The following SYT1 variants were observed in gnomAD, a reference collection of about 807,000 sequenced individuals.
The protein encoded by SYT1 is synaptotagmin 1, also known as synaptotagmin-1.
A neutral mutation model predicts 44.8 loss-of-function variants in SYT1; 8 were observed. That is an observed-to-expected ratio of 0.18 (90% CI 0.10 to 0.32). The LOEUF is 0.32. Among genes scored for constraint, SYT1 ranks in the 10% least tolerant of loss-of-function variants. The pLI is 1.00. For synonymous variants in SYT1, 154 were observed against 188.8 expected (o/e 0.82, Z 1.51); for missense variants, 286 against 509.3 (o/e 0.56, Z 4.22).
At chr12:79,291,935 ACTACAGGCC>A in intron 5 of SYT1, 64 bp from the exon 6 acceptor site, 1 of 1,585,734 alleles carries the variant, frequency 6.3e-7, no homozygotes, top group Admixed American at 1.7e-5. Flanking sequence ...TGGAAGTGTA[ACTACAGGCC>A]CAGTTCAATT....
chr12:79,384,987 A>AT (rs3067387), intron 9 of SYT1, among the ~76,000 whole-genome samples: 5,123 of 129,876 alleles, frequency 0.039, 222 homozygotes, highest in Middle Eastern at 0.076. Context: ...GGACCACTGG[A>AT]TTTTTTTTTT....
At chr12:79,308,522 AAAG>A in intron 8 of SYT1, among the ~76,000 whole-genome samples, 2 of 146,052 alleles carry the variant, frequency 1.4e-5, no homozygotes, top group African/African-American at 5.1e-5. Flanking sequence ...AGAAAGAAAG[AAAG>A]AAGAAATAAA....
chr12:79,362,024 A>C (rs1283976825), intron 9 of SYT1, among the ~76,000 whole-genome samples: 1 of 152,202 alleles, frequency 6.6e-6, no homozygotes, highest in Non-Finnish European at 1.5e-5. Context: ...AATTAAAGAA[A>C]TTTGAATTGC....
chr12:79,318,157 A>G (rs1381966036), intron 8 of SYT1, among the ~76,000 whole-genome samples: 3 of 152,210 alleles, frequency 2.0e-5, no homozygotes, highest in Non-Finnish European at 4.4e-5. Context: ...ACTTAGAAAG[A>G]TTGAAAAAGG....
intron 3 of SYT1, among the ~76,000 whole-genome samples, chr12:79,192,718 T>C (rs1218066213): frequency 6.6e-6 from 1 of 152,136 alleles, no homozygotes; most frequent in East Asian, 1.9e-4. Context: ...GCCTTGTGGA[T>C]TGTCATTATT....
chr12:79,160,258 T>G (rs554838005), intron 3 of SYT1, among the ~76,000 whole-genome samples: 2 of 152,234 alleles, frequency 1.3e-5, no homozygotes, highest in South Asian at 4.1e-4. Context: ...GCTTTGGACA[T>G]GCTGAGGTTG....
At chr12:79,128,545 T>C (rs1198496444) in intron 3 of SYT1, among the ~76,000 whole-genome samples, 1 of 152,204 alleles carries the variant, frequency 6.6e-6, no homozygotes, top group Non-Finnish European at 1.5e-5. Flanking sequence ...TCAGGCATGG[T>C]GCACTCAAGT....
chr12:79,126,284 C>T (rs991655348), intron 3 of SYT1, among the ~76,000 whole-genome samples: 7 of 152,124 alleles, frequency 4.6e-5, no homozygotes, highest in South Asian at 2.1e-4. Flanking sequence ...TTGTTTGAGA[C>T]GGAGTCTCGC....
At chr12:79,316,203 T>C (rs188763085) in intron 8 of SYT1, among the ~76,000 whole-genome samples, 1 of 152,332 alleles carries the variant, frequency 6.6e-6, no homozygotes, top group African/African-American at 2.4e-5. Flanking sequence ...AGGTAACTTC[T>C]GTTCTGATTT....
rs1871067642 is a variant in SYT1, at chr12:79,451,708, T to C, written c.*2584T>C. 6.6e-6 allele frequency: 1 copy of C among 152,206 alleles called. No homozygotes were observed. Among genetic ancestry groups the C allele is most frequent in the African/African-American group, 2.4e-5 (1 of 41,446 alleles). 9.4% of individuals were successfully genotyped at this position (152,206 alleles called of 1,614,324 possible). ...CCTTCTGACAAAGCTGTGTAAAGTA[T>C]TAGAATCTGATGCTCTAGAAAGATC... On this transcript the variant is annotated 3_prime_UTR_variant, in exon 11 of 11. Transcript: ENST00000261205.
At chr12:79,388,394 G>A (rs1316842717) in intron 9 of SYT1, among the ~76,000 whole-genome samples, 1 of 152,034 alleles carries the variant, frequency 6.6e-6, no homozygotes, top group Non-Finnish European at 1.5e-5. Flanking sequence ...TTGAAAAAGT[G>A]TTTTCAAATA....
chr12:78,942,630 C>T (rs1396975531), intron 1 of SYT1, among the ~76,000 whole-genome samples: 5 of 152,182 alleles, frequency 3.3e-5, no homozygotes, highest in Admixed American at 3.3e-4. Flanking sequence ...TTATCTAAGT[C>T]TCCTTAACTA....
chr12:79,200,769 T>A (rs1415812659), intron 3 of SYT1, among the ~76,000 whole-genome samples: 1 of 152,166 alleles, frequency 6.6e-6, no homozygotes, highest in Non-Finnish European at 1.5e-5. Flanking sequence ...TTAATCAATA[T>A]TAGATTCCAA....
At chr12:78,944,550 C>T (rs971234339) in intron 1 of SYT1, among the ~76,000 whole-genome samples, 6 of 151,762 alleles carry the variant, frequency 4.0e-5, no homozygotes, top group South Asian at 2.1e-4. Flanking sequence ...TTATTAAAAA[C>T]TCCCTTAGAG....
At chr12:78,871,698 G>T (rs1413646790) in intron 1 of SYT1, among the ~76,000 whole-genome samples, 1 of 151,852 alleles carries the variant, frequency 6.6e-6, no homozygotes, top group Non-Finnish European at 1.5e-5. Flanking sequence ...AGTTTCTCAG[G>T]AAAAAGACAA....
chr12:78,934,270 A>C (rs908762305), intron 1 of SYT1, among the ~76,000 whole-genome samples: 1 of 151,926 alleles, frequency 6.6e-6, no homozygotes, highest in Non-Finnish European at 1.5e-5. Flanking sequence ...GGACAGGGCC[A>C]GGTGGAGATA....
intron 1 of SYT1, among the ~76,000 whole-genome samples, chr12:78,948,523 T>A (rs1878790761): frequency 6.6e-6 from 1 of 152,030 alleles, no homozygotes. Context: ...CTGTTCTATA[T>A]AATTCTATAA....
At chr12:79,366,612 C>A (rs369580956) in intron 9 of SYT1, among the ~76,000 whole-genome samples, 7 of 152,188 alleles carry the variant, frequency 4.6e-5, no homozygotes, top group Non-Finnish European at 1.0e-4. Flanking sequence ...GACAGCAGGG[C>A]GCAGCAGAAA....
chr12:79,311,352 A>T (rs1880777067), intron 8 of SYT1, among the ~76,000 whole-genome samples: 1 of 151,524 alleles, frequency 6.6e-6, no homozygotes, highest in Non-Finnish European at 1.5e-5. Context: ...GGCAATCATT[A>T]AAAAGTCAGG....
Sources: allele counts gnomAD v4.1 joint callset (sites outside exome capture counted in the v4.1 genomes callset), GRCh38; gene constraint gnomAD v4.1.1; transcripts MANE v1.5; gene names NCBI Gene and HGNC (gene_info 2026-07-23, HGNC 2026-07-21).